The following DOCK5 variants were observed in gnomAD, a reference collection of about 807,000 sequenced individuals.
The protein encoded by DOCK5 is dedicator of cytokinesis 5.
Under a neutral mutation model 251.8 loss-of-function variants are expected in DOCK5, and 142 were observed. The ratio of observed to expected loss-of-function variants is 0.56; its 90% confidence interval spans 0.49 to 0.65. DOCK5 has a LOEUF of 0.65. Among genes scored for constraint, DOCK5 ranks in the 30% least tolerant of loss-of-function variants. The pLI is 0.00. For missense variants in DOCK5, 2,111 were observed against 2,312.3 expected (o/e 0.91, Z 1.79); for synonymous variants, 842 against 835.5 (o/e 1.01, Z -0.13).
chr8:25,253,323 T>G (rs1295211136), intron 2 of DOCK5, among the ~76,000 whole-genome samples: 1 of 152,128 alleles, frequency 6.6e-6, no homozygotes, highest in Non-Finnish European at 1.5e-5. Context: ...TTGGGAGTAC[T>G]CTGGAGGAAT....
chr8:25,368,394 C>A, intron 32 of DOCK5, 144 bp downstream of exon 32: 1 of 1,081,290 alleles, frequency 9.2e-7, no homozygotes, highest in Non-Finnish European at 1.3e-6. Context: ...TTGTGGGTTT[C>A]ATTGACAATG....
chr8:25,187,922 G>A (rs143538238), intron 1 of DOCK5, among the ~76,000 whole-genome samples: 1 of 152,180 alleles, frequency 6.6e-6, no homozygotes, highest in African/African-American at 2.4e-5. Flanking sequence ...TTGTCAGACT[G>A]TCCCAAACCT....
At chr8:25,269,406 A>G (rs1472794989) in intron 3 of DOCK5, among the ~76,000 whole-genome samples, 1 of 152,230 alleles carries the variant, frequency 6.6e-6, no homozygotes, top group Admixed American at 6.5e-5. Context: ...TGAAACCGAA[A>G]AGTAGAGAAC....
At chr8:25,304,433 A>G (rs1428267979) in intron 11 of DOCK5, 106 bp downstream of exon 11, 2 of 984,918 alleles carry the variant, frequency 2.0e-6, no homozygotes, top group Non-Finnish European at 2.9e-6. Context: ...CAGAGAAGGA[A>G]AGATTCTAAG....
rs578087662 is a variant in DOCK5, at chr8:25,358,949, C to T, written c.2851-14C>T. Reference sequence around the variant, plus strand: ...CTAAGGAGTCTTGGATTTGTGCTTTCCTTTTCCTTCCAGGGGAGTTTTGTG... The same window carrying T: ...CTAAGGAGTCTTGGATTTGTGCTTTTCTTTTCCTTCCAGGGGAGTTTTGTG... On this transcript the variant is annotated splice_polypyrimidine_tract_variant and intron_variant, in intron 27 of 51. Coordinates refer to ENST00000276440, the MANE Select transcript of DOCK5 (RefSeq NM_024940.8). 3.7e-6 allele frequency: 6 copies of T among 1,612,312 alleles called. No individual in the cohort carries two copies. In the South Asian group the frequency reaches 5.5e-5, roughly 15 times the overall value.
At chr8:25,197,689 T>G (rs1306296623) in intron 1 of DOCK5, among the ~76,000 whole-genome samples, 1 of 148,388 alleles carries the variant, frequency 6.7e-6, no homozygotes, top group Non-Finnish European at 1.5e-5. Context: ...GTTCAAGAGA[T>G]TCTCCTGCCT....
intron 16 of DOCK5, among the ~76,000 whole-genome samples, chr8:25,323,008 G>A (rs1307327342): frequency 6.6e-6 from 1 of 152,212 alleles, no homozygotes; most frequent in Non-Finnish European, 1.5e-5. Context: ...TACAATGGAT[G>A]ACTACTCCAC....
At chr8:25,348,200 T>C (rs1419682270) in intron 26 of DOCK5, among the ~76,000 whole-genome samples, 2 of 152,208 alleles carry the variant, frequency 1.3e-5, no homozygotes, top group African/African-American at 4.8e-5. Flanking sequence ...TTCCTGCCTT[T>C]TGTTTTATTT....
At chr8:25,394,804 A>AT (rs1263895077) in intron 44 of DOCK5, among the ~76,000 whole-genome samples, 1 of 152,070 alleles carries the variant, frequency 6.6e-6, no homozygotes, top group East Asian at 1.9e-4. Context: ...TTGTAAGGAG[A>AT]TTTTAAATAG....
At chr8:25,229,653 T>G (rs1457057132) in intron 1 of DOCK5, among the ~76,000 whole-genome samples, 1 of 152,154 alleles carries the variant, frequency 6.6e-6, no homozygotes, top group Admixed American at 6.5e-5. Context: ...AAAGAAAATT[T>G]TATTTGGTTG....
rs1586226950 is a variant in DOCK5 at position 25,205,186 on chromosome 8, C to T, written c.43+20235C>T. ...ATGCTTGGATTACAGGTGTCAGCCC[C>T]TGTGCCTGGTCTCTTCTTTTATGTG... is the stretch of plus-strand genomic sequence containing the variant. On this transcript the variant is annotated intron_variant, in intron 1 of 51. Transcript: ENST00000276440. Among the ~76,000 whole-genome samples, 3 of 152,190 alleles carry T rather than the reference C, an allele frequency of 2.0e-5. No homozygotes were observed. The South Asian group carries it at 6.2e-4, about 32-fold the overall frequency.
At chr8:25,266,489 A>G (rs1803757541) in intron 2 of DOCK5, among the ~76,000 whole-genome samples, 1 of 151,890 alleles carries the variant, frequency 6.6e-6, no homozygotes, top group South Asian at 2.1e-4. Context: ...TGCTGGGATT[A>G]CAGCATTATG....
intron 27 of DOCK5, among the ~76,000 whole-genome samples, chr8:25,357,373 C>CTTTTTTTT: frequency 1.1e-5 from 1 of 92,628 alleles, no homozygotes; most frequent in Non-Finnish European, 2.0e-5. Flanking sequence ...AAAAAATAAA[C>CTTTTTTTT]TTTTTTTTTT....
intron 1 of DOCK5, among the ~76,000 whole-genome samples, chr8:25,199,022 G>A (rs982830661): frequency 6.6e-6 from 1 of 152,162 alleles, no homozygotes; most frequent in Non-Finnish European, 1.5e-5. Flanking sequence ...CCTGCAAAGT[G>A]GAAGTGACAC....
chr8:25,360,525 T>C (rs1212006043), intron 28 of DOCK5, among the ~76,000 whole-genome samples: 3 of 152,168 alleles, frequency 2.0e-5, no homozygotes, highest in Non-Finnish European at 4.4e-5. Context: ...CACGCAGCTC[T>C]GGGTTTGAAT....
intron 30 of DOCK5, 149 bp from the exon 31 acceptor site, chr8:25,366,721 A>G: frequency 1.7e-6 from 1 of 574,858 alleles, no homozygotes. Context: ...TTAGGATTGA[A>G]TAATCAAAAC....
At chr8:25,399,817 G>T (rs1801405963) in intron 45 of DOCK5, 94 bp from the exon 46 acceptor site, 1 of 905,848 alleles carries the variant, frequency 1.1e-6, no homozygotes, top group Non-Finnish European at 1.7e-6. Context: ...GACACATCTG[G>T]TTCTTCCGCA....
At chr8:25,315,025 T>C (rs2117190302) in intron 13 of DOCK5, among the ~76,000 whole-genome samples, 1 of 148,402 alleles carries the variant, frequency 6.7e-6, no homozygotes, top group East Asian at 2.0e-4. Context: ...CATTTTCTCT[T>C]CTCCTTACTG....
chr8:25,269,700 C>T (rs1188345195), intron 3 of DOCK5, among the ~76,000 whole-genome samples: 3 of 152,212 alleles, frequency 2.0e-5, no homozygotes, highest in Non-Finnish European at 4.4e-5. Flanking sequence ...TTTGATACTG[C>T]TCGCTGGGGC....
Sources: allele counts gnomAD v4.1 joint callset (sites outside exome capture counted in the v4.1 genomes callset), GRCh38; gene constraint gnomAD v4.1.1; transcripts MANE v1.5; gene names NCBI Gene and HGNC (gene_info 2026-07-23, HGNC 2026-07-21).